Variants in TAF1 observed in about 807,000 individuals in gnomAD.
TAF1 encodes transcription initiation factor TFIID subunit 1.
Under a neutral mutation model 138.5 loss-of-function variants are expected in TAF1, and 2 were observed. The ratio of observed to expected loss-of-function variants is 0.01; its 90% confidence interval spans 0.01 to 0.05. The LOEUF (loss-of-function observed/expected upper bound fraction) is 0.05, where lower values mean the gene tolerates loss of function less well. Ranked by LOEUF, TAF1 falls within the 10% of genes least tolerant of loss-of-function variation. TAF1 has a pLI of 1.00. For synonymous variants in TAF1, 437 were observed against 503.2 expected, an observed-to-expected ratio of 0.87 and a Z score of 1.76; for missense variants, 709 against 1,478.0, an observed-to-expected ratio of 0.48 and a Z score of 8.53.
intron 13 of TAF1, among the ~76,000 whole-genome samples, chrX:71,483,780 C>CTATATA (rs1556022684): frequency 0.016 from 615 of 37,532 alleles, 14 homozygotes; most frequent in East Asian, 0.054. Flanking sequence ...CTCTCTCTCT[C>CTATATA]TATATATATA....
intron 32 of TAF1, among the ~76,000 whole-genome samples, chrX:71,445,232 G>A (rs866436160): frequency 9.4e-6 from 1 of 106,254 alleles, no homozygotes; most frequent in African/African-American, 3.4e-5. Context: ...CCTGGGAGGT[G>A]GAGGTTGCAG....
chrX:71,452,528 C>T (rs1002010425), intron 32 of TAF1, among the ~76,000 whole-genome samples: 9 of 109,884 alleles, frequency 8.2e-5, no homozygotes, highest in African/African-American at 3.0e-4. Context: ...GCGCTCCTCA[C>T]TTCCTAGGTG....
At chrX:71,496,824 C>A (rs56198847) in intron 13 of TAF1, among the ~76,000 whole-genome samples, 142 of 111,023 alleles carry the variant, frequency 1.3e-3, no homozygotes, top group African/African-American at 4.6e-3. Context: ...TCTGTCTCTC[C>A]CCCCCAACCC....
intron 13 of TAF1, among the ~76,000 whole-genome samples, chrX:71,499,437 G>C (rs1476640045): frequency 8.9e-6 from 1 of 112,264 alleles, no homozygotes; most frequent in East Asian, 2.8e-4. Flanking sequence ...CAGCTGATTG[G>C]GTAATAAACT....
At position 71,454,211 on chromosome X, in the gene TAF1, A is replaced by C. The variant is rs1374099691; in HGVS notation, c.4795A>C (p.Asn1599His). Residue 1599 changes from asparagine to histidine, a missense_variant, in exon 33 of 38, where the codon AAC (asparagine) becomes CAC (histidine). Physicochemically the swap from Asn to His is moderately conservative, Grantham distance 68. This residue lies in a region of TAF1 where 36 missense variants were observed against 47.3 expected (regional missense o/e 0.76). Transcript: ENST00000423759. ...QYTKTAQEIV[N>H]VCYQTLTEYD... ...TACTAAGACTGCCCAGGAGATTGTG[A>C]ACGTCTGTTACCAGACATTGACTGA... 8.3e-7 allele frequency: 1 copy of C among 1,211,154 alleles called. No homozygotes were observed. Among genetic ancestry groups the C allele is most frequent in the Non-Finnish European group, 1.1e-6 (1 of 895,066 alleles).
At chrX:71,492,697 G>C (rs1253324219) in intron 13 of TAF1, 1 of 116,779 alleles carries the variant, frequency 8.6e-6, no homozygotes, top group African/African-American at 3.2e-5. Flanking sequence ...GCTTCTGCGC[G>C]CAGTCCGTGT....
chrX:71,423,037 C>T lies in TAF1; in HGVS notation c.4453-80C>T, dbSNP rs184485720. 122 of 1,167,244 alleles carry T rather than the reference C, an allele frequency of 1.0e-4. No individual in the cohort carries two copies. In the African/African-American group the frequency reaches 1.8e-3, roughly 17 times the overall value. ...GATTACAGGCGTGAGCCACCACGCC[C>T]GGCAAATTGTCCTTAACTTTTCTAT... On this transcript the variant is annotated intron_variant, in intron 29 of 37. Coordinates refer to ENST00000423759, the MANE Select transcript of TAF1 (RefSeq NM_004606.5).
chrX:71,437,683 A>G lies in TAF1; in HGVS notation c.4753+13445A>G, dbSNP rs190362651. ...AAAAAAGAAAAAGAGAAATATTTCC[A>G]TATGAAAGTTAAGTCCTTCATGTCA... On this transcript the variant is annotated intron_variant, in intron 32 of 37. Coordinates refer to ENST00000423759, the MANE Select transcript of TAF1 (RefSeq NM_004606.5). 3.4e-3 allele frequency among the ~76,000 whole-genome samples: 370 copies of G among 108,751 alleles called. 2 individuals carry two copies. Among genetic ancestry groups the G allele is most frequent in the Non-Finnish European group, 5.7e-3 (301 of 52,400 alleles). The allele number at this position is 108,751 out of a possible 115,157, so 94.4% of individuals were successfully genotyped here.
chrX:71,493,910 C>T (rs888892736), intron 13 of TAF1, among the ~76,000 whole-genome samples: 2 of 111,832 alleles, frequency 1.8e-5, no homozygotes, highest in Non-Finnish European at 3.8e-5. Flanking sequence ...GAATTTGAGG[C>T]CTCAGTAAGC....
chrX:71,495,112 A>G (rs1016359570), intron 13 of TAF1, among the ~76,000 whole-genome samples: 1 of 111,684 alleles, frequency 9.0e-6, no homozygotes, highest in African/African-American at 3.3e-5. Flanking sequence ...GGACACCCCA[A>G]CTGCTGTTGG....
intron 18 of TAF1, among the ~76,000 whole-genome samples, chrX:71,391,679 A>C (rs1346171684): frequency 2.1e-5 from 2 of 94,584 alleles, no homozygotes; most frequent in African/African-American, 8.3e-5. Context: ...CCCAGGCTGG[A>C]GTGCAGTGGT....
intron 13 of TAF1, among the ~76,000 whole-genome samples, chrX:71,486,414 A>G (rs753928785): frequency 4.5e-5 from 5 of 109,931 alleles, no homozygotes; most frequent in African/African-American, 1.7e-4. Flanking sequence ...GCTGGGGTGC[A>G]GTGGCCTGGT....
intron 13 of TAF1, among the ~76,000 whole-genome samples, chrX:71,523,864 G>A (rs1234960826): frequency 1.8e-5 from 2 of 111,014 alleles, no homozygotes; most frequent in Admixed American, 9.7e-5. Flanking sequence ...ACATACAGTG[G>A]CTCTCTGACA....
intron 13 of TAF1, among the ~76,000 whole-genome samples, chrX:71,516,843 T>G (rs1443462266): frequency 9.1e-6 from 1 of 109,318 alleles, no homozygotes; most frequent in Non-Finnish European, 1.9e-5. Context: ...TAGCTGAGAC[T>G]ACAGGCTCCT....
chrX:71,509,980 AAAT>A (rs774800526), intron 13 of TAF1, among the ~76,000 whole-genome samples: 9 of 109,413 alleles, frequency 8.2e-5, no homozygotes, highest in African/African-American at 2.7e-4. Context: ...CTCTGTCTCA[AAAT>A]AATAATAATA....
Position 71,515,814 on chromosome X carries a change from G to A in TAF1, c.1367-12728G>A, listed in dbSNP as rs149032833. 5.9e-3 allele frequency among the ~76,000 whole-genome samples: 653 copies of A among 111,602 alleles called. 8 individuals carry two copies. The highest frequency in any genetic ancestry group is 0.019 in the African/African-American group (589 of 30,712). On this transcript the variant is annotated intron_variant and NMD_transcript_variant, in intron 13 of 14. Coordinates refer to the TAF1 transcript ENST00000373775. ...GTCAAACATGAATCTAGAAACTGCT[G>A]TGAAGGGATTGTGCAGATGTAATTA...
intron 13 of TAF1, among the ~76,000 whole-genome samples, chrX:71,485,751 C>G (rs1201227398): frequency 9.0e-6 from 1 of 110,944 alleles, no homozygotes; most frequent in Non-Finnish European, 1.9e-5. Context: ...ATATTAATGC[C>G]TTATCAGATA....
At chrX:71,529,116 G>C (rs2147655718) in intron 14 of TAF1, among the ~76,000 whole-genome samples, 1 of 106,484 alleles carries the variant, frequency 9.4e-6, no homozygotes, top group South Asian at 4.1e-4. Context: ...CTGTCGCCCA[G>C]GCTGGAGTGC....
At chrX:71,530,516 G>A (rs1295708371), downstream of TAF1, 1 of 83,506 alleles carries the variant, frequency 1.2e-5, no homozygotes, top group Admixed American at 1.8e-4. Context: ...AGACCCGAGT[G>A]GGTTGCTACT....
Sources: allele counts gnomAD v4.1 joint callset (sites outside exome capture counted in the v4.1 genomes callset), GRCh38; gene constraint gnomAD v4.1.1; regional missense constraint gnomAD v4.1.1; transcripts MANE v1.5; gene names NCBI Gene and HGNC (gene_info 2026-07-23, HGNC 2026-07-21).